HEMK2: variants seen among roughly 807,000 people sequenced by gnomAD.
HEMK2 encodes HemK methyltransferase 2, ETF1 glutamine and histone H4 lysine.
At chr21:28,817,671 A>G in the HEMK2 span, among the ~76,000 whole-genome samples, 1 of 152,234 alleles carries the variant, frequency 6.6e-6, no homozygotes, top group Non-Finnish European at 1.5e-5. Context: ...ATACCATGTA[A>G]CTGCTAATAA....
chr21:28,846,145 G>T, the HEMK2 span, among the ~76,000 whole-genome samples: 1 of 152,074 alleles, frequency 6.6e-6, no homozygotes, highest in East Asian at 1.9e-4. Flanking sequence ...TTTTATGGCC[G>T]CACAGTATTC....
At chr21:28,838,026 A>G in the HEMK2 span, among the ~76,000 whole-genome samples, 5 of 152,194 alleles carry the variant, frequency 3.3e-5, no homozygotes, top group Admixed American at 2.6e-4. Flanking sequence ...AATAACAAGC[A>G]GCGAGATTGA....
chr21:28,812,364 T>C, the HEMK2 span, among the ~76,000 whole-genome samples: 1 of 152,212 alleles, frequency 6.6e-6, no homozygotes, highest in African/African-American at 2.4e-5. Flanking sequence ...GGGTATTGAA[T>C]TTTATTGAAG....
the HEMK2 span, among the ~76,000 whole-genome samples, chr21:28,740,340 T>C: frequency 6.6e-6 from 1 of 152,212 alleles, no homozygotes; most frequent in Non-Finnish European, 1.5e-5. Flanking sequence ...AAGTCCTTTA[T>C]TGTGTGGGTA....
chr21:28,815,829 C>T, the HEMK2 span, among the ~76,000 whole-genome samples: 1 of 152,154 alleles, frequency 6.6e-6, no homozygotes, highest in Admixed American at 6.5e-5. Context: ...AAGGTCTTTA[C>T]AGTAAACCAT....
At chr21:28,637,943 A>C in the HEMK2 span, among the ~76,000 whole-genome samples, 2 of 152,224 alleles carry the variant, frequency 1.3e-5, no homozygotes, top group Non-Finnish European at 2.9e-5. Flanking sequence ...TATAGACATG[A>C]AAATAAATAG....
At chr21:28,751,447 G>A in the HEMK2 span, among the ~76,000 whole-genome samples, 1 of 152,242 alleles carries the variant, frequency 6.6e-6, no homozygotes, top group Admixed American at 6.5e-5. Context: ...AATTTAAACA[G>A]AGGAAGATTA....
chr21:28,798,775 C>T, the HEMK2 span, among the ~76,000 whole-genome samples: 7 of 152,270 alleles, frequency 4.6e-5, no homozygotes, highest in African/African-American at 1.7e-4. Context: ...TAATACAACT[C>T]CTTGGGTTGT....
At chr21:28,578,966 ATTGT>A in the HEMK2 span, among the ~76,000 whole-genome samples, 1 of 152,210 alleles carries the variant, frequency 6.6e-6, no homozygotes, top group Non-Finnish European at 1.5e-5. Context: ...TGTCAGGAAA[ATTGT>A]CTAAGAGTTG....
chr21:28,838,540 A>T, the HEMK2 span, among the ~76,000 whole-genome samples: 1 of 130,864 alleles, frequency 7.6e-6, no homozygotes, highest in East Asian at 2.8e-4. Context: ...TCTCAAAATA[A>T]AAAAAAAAAG....
chr21:28,805,460 T>C, the HEMK2 span, among the ~76,000 whole-genome samples: 1 of 152,210 alleles, frequency 6.6e-6, no homozygotes, highest in Non-Finnish European at 1.5e-5. Context: ...ACCATACCTC[T>C]ATAAAGTAAA....
the HEMK2 span, among the ~76,000 whole-genome samples, chr21:28,622,631 T>C: frequency 1.3e-5 from 2 of 151,898 alleles, no homozygotes; most frequent in East Asian, 1.9e-4. Context: ...CCAAAACAGA[T>C]ATATATAGAA....
the HEMK2 span, among the ~76,000 whole-genome samples, chr21:28,842,684 G>C: frequency 2.6e-5 from 4 of 152,112 alleles, no homozygotes; most frequent in Non-Finnish European, 4.4e-5. Flanking sequence ...GATAAATCTT[G>C]GCTAGTCTAA....
the HEMK2 span, among the ~76,000 whole-genome samples, chr21:28,620,388 G>C: frequency 6.6e-6 from 1 of 151,994 alleles, no homozygotes; most frequent in Non-Finnish European, 1.5e-5. Flanking sequence ...CTGTGAATCC[G>C]TCTGGTCCTG....
chr21:28,617,964 T>C, the HEMK2 span, among the ~76,000 whole-genome samples: 8 of 152,188 alleles, frequency 5.3e-5, no homozygotes, highest in Non-Finnish European at 8.8e-5. Flanking sequence ...ATTTTTGTAC[T>C]GTTTGTAAAG....
the HEMK2 span, among the ~76,000 whole-genome samples, chr21:28,663,636 T>C: frequency 0.017 from 2,546 of 152,344 alleles, 73 homozygotes; most frequent in African/African-American, 0.056. Context: ...TGTTGGTTAC[T>C]TGGGATGGGT....
the HEMK2 span, among the ~76,000 whole-genome samples, chr21:28,882,543 A>C: frequency 6.6e-6 from 1 of 152,170 alleles, no homozygotes; most frequent in African/African-American, 2.4e-5. Context: ...GCCACCAAAA[A>C]TGAAATTTAA....
At chr21:28,646,887 G>A in the HEMK2 span, among the ~76,000 whole-genome samples, 55 of 152,212 alleles carry the variant, frequency 3.6e-4, 1 homozygote, top group Non-Finnish European at 6.8e-4. Context: ...ATAAGTCCCA[G>A]AACATCCCTT....
chr21:28,841,267 A>AT, the HEMK2 span, among the ~76,000 whole-genome samples: 2 of 8,346 alleles, frequency 2.4e-4, no homozygotes, highest in East Asian at 0.036. Flanking sequence ...TATATAATAT[A>AT]TATTATATAT....
Sources: allele counts gnomAD v4.1 joint callset (sites outside exome capture counted in the v4.1 genomes callset), GRCh38; gene constraint gnomAD v4.1.1; transcripts MANE v1.5; gene names NCBI Gene and HGNC (gene_info 2026-07-23, HGNC 2026-07-21).